The following USPL1 variants were observed in gnomAD, a reference collection of about 807,000 sequenced individuals.
The protein encoded by USPL1 is ubiquitin specific peptidase like 1, also known as SUMO-specific isopeptidase USPL1.
Under a neutral mutation model 51.5 loss-of-function variants are expected in USPL1, and 27 were observed. That is an observed-to-expected ratio of 0.52 (90% CI 0.39 to 0.72). USPL1 has a LOEUF of 0.72. Among genes scored for constraint, USPL1 ranks in the 30% least tolerant of loss-of-function variants. The probability of loss-of-function intolerance (pLI) is 0.00; values close to 1 mark genes in which losing one functional copy is unlikely to be tolerated. For synonymous variants in USPL1, 451 were observed against 459.6 expected, an observed-to-expected ratio of 0.98 and a Z score of 0.24; for missense variants, 1,226 against 1,268.0, an observed-to-expected ratio of 0.97 and a Z score of 0.50.
chr13:30,642,510 A>T (rs1334682858), intron 5 of USPL1, 118 bp from the exon 6 acceptor site: 1 of 1,207,140 alleles, frequency 8.3e-7, no homozygotes, highest in East Asian at 2.4e-5. Context: ...ATTGTGTCAT[A>T]CTGTATTAAC....
intron 7 of USPL1, among the ~76,000 whole-genome samples, chr13:30,650,250 G>T (rs1951071706): frequency 6.6e-6 from 1 of 152,160 alleles, no homozygotes; most frequent in Non-Finnish European, 1.5e-5. Flanking sequence ...GCTACTGTTT[G>T]TAAGTTTTAC....
At chr13:30,623,529 TCC>T (rs2137607058) in intron 3 of USPL1, among the ~76,000 whole-genome samples, 1 of 151,340 alleles carries the variant, frequency 6.6e-6, no homozygotes, top group Admixed American at 6.6e-5. Context: ...TTATATTTGG[TCC>T]TTGTCTATGG....
At chr13:30,650,077 C>T (rs578176294) in intron 7 of USPL1, among the ~76,000 whole-genome samples, 3 of 152,182 alleles carry the variant, frequency 2.0e-5, no homozygotes, top group East Asian at 1.9e-4. Context: ...AGGTTGGTCT[C>T]GAACTCCCGA....
intron 4 of USPL1, among the ~76,000 whole-genome samples, chr13:30,635,786 A>G (rs1317643052): frequency 1.3e-5 from 2 of 152,136 alleles, no homozygotes; most frequent in African/African-American, 4.8e-5. Context: ...GGCTGTTACT[A>G]GTTTTTGCTG....
chr13:30,629,648 C>T (rs1389931158), intron 3 of USPL1, among the ~76,000 whole-genome samples: 1 of 152,090 alleles, frequency 6.6e-6, no homozygotes, highest in African/African-American at 2.4e-5. Flanking sequence ...AATAGTCAGC[C>T]AGGGGTCTCA....
chr13:30,625,682 A>G (rs375708379), intron 3 of USPL1, among the ~76,000 whole-genome samples: 7 of 152,024 alleles, frequency 4.6e-5, no homozygotes, highest in African/African-American at 1.7e-4. Flanking sequence ...ACCTCAGGTG[A>G]TCCACCCACC....
At position 30,631,269 on chromosome 13, in the gene USPL1, T is replaced by C. The variant is rs1206359886; in HGVS notation, c.663T>C (p.Phe221=). ...CACTGGAGAGCAAATGTACATCATTTCCCCAGGCTTTATGTGTCCAGTGGA... is the reference window on the plus strand; with the variant it reads ...CACTGGAGAGCAAATGTACATCATTCCCCCAGGCTTTATGTGTCCAGTGGA... ...EMPLESKCTS[F]PQALCVQWKN... is the part of the protein sequence containing the mutation. Residue 221 remains phenylalanine, a synonymous_variant, in exon 4 of 9, where the codon TTT becomes TTC. Coordinates refer to ENST00000255304, the MANE Select transcript of USPL1 (RefSeq NM_005800.5). The C allele has an allele frequency of 1.2e-6, 2 of 1,614,020 alleles. No individual in the cohort carries two copies. Among genetic ancestry groups the C allele is most frequent in the Admixed American group, 3.3e-5 (2 of 59,998 alleles).
rs1205296076 is a variant in USPL1 at position 30,637,783 on chromosome 13, A to T, written c.908A>T (p.Glu303Val). ...AAACTTACCTCAGAAATATTTGCAG[A>T]GATAGAGACCTGTCTGAATGAAGTT... is the stretch of plus-strand genomic sequence containing the variant. The part of the protein sequence containing the change: ...CKKLTSEIFA[E>V]IETCLNEVRD... The change falls in exon 5 of 9, where the codon GAG (glutamate) becomes GTG (valine). Residue 303 changes from glutamate (E) to valine (V), a missense_variant. Glu to Val is a moderately radical substitution (Grantham distance 121). Transcript: ENST00000255304. 1 of 1,612,906 alleles carries T rather than the reference A, an allele frequency of 6.2e-7. No individual in the cohort carries two copies. Among genetic ancestry groups the T allele is most frequent in the Admixed American group, 1.7e-5 (1 of 59,700 alleles).
intron 7 of USPL1, among the ~76,000 whole-genome samples, chr13:30,651,017 A>T (rs1474254897): frequency 6.6e-6 from 1 of 152,034 alleles, no homozygotes; most frequent in African/African-American, 2.4e-5. Context: ...AAAAAAAAAA[A>T]AATTTCATAG....
intron 3 of USPL1, among the ~76,000 whole-genome samples, chr13:30,630,576 T>C (rs1950788012): frequency 6.6e-6 from 1 of 152,242 alleles, no homozygotes; most frequent in African/African-American, 2.4e-5. Flanking sequence ...AAATATGTTT[T>C]CCTTATTAGC....
In USPL1 at chr13:30,660,426, C is replaced by T. The variant is rs894295557; in HGVS notation, c.*1070C>T. The stretch of plus-strand genomic sequence containing the variant: ...AAGTGCAGGGATGCCTGAGTCTGCA[C>T]CCGCACCCAGGAGGGTGGAGATCTT... On this transcript the variant is annotated 3_prime_UTR_variant, in exon 9 of 9. Coordinates refer to ENST00000255304, the MANE Select transcript of USPL1 (RefSeq NM_005800.5). 6 of 152,380 alleles carry T rather than the reference C, an allele frequency of 3.9e-5. No homozygotes were observed. Among genetic ancestry groups the T allele is most frequent in the South Asian group, 2.1e-4 (1 of 4,830 alleles). The allele number at this position is 152,380 out of a possible 1,614,324, so 9.4% of individuals were successfully genotyped here. A position where few individuals can be genotyped will look rare whatever the true frequency, so the allele number is the denominator to read the frequency against.
At chr13:30,634,180 A>G (rs1218012430) in intron 4 of USPL1, among the ~76,000 whole-genome samples, 2 of 152,180 alleles carry the variant, frequency 1.3e-5, no homozygotes, top group African/African-American at 4.8e-5. Flanking sequence ...CTTGAACACA[A>G]GCACTGCAAT....
intron 1 of USPL1, among the ~76,000 whole-genome samples, chr13:30,620,772 G>A (rs1950636580): frequency 6.6e-6 from 1 of 152,008 alleles, no homozygotes; most frequent in South Asian, 2.1e-4. Context: ...TTCAAATTCT[G>A]GTCAATATAG....
chr13:30,625,869 T>C (rs945094935), intron 3 of USPL1, among the ~76,000 whole-genome samples: 14 of 152,230 alleles, frequency 9.2e-5, no homozygotes, highest in African/African-American at 3.1e-4. Context: ...ATTTTTTTAA[T>C]TTCTAGTCAG....
chr13:30,631,560 G>A (rs940402682), intron 4 of USPL1, 86 bp downstream of exon 4: 117 of 1,316,896 alleles, frequency 8.9e-5, no homozygotes, highest in Non-Finnish European at 1.1e-4. Context: ...GAGTGCAGTG[G>A]CATGATCATG....
intron 8 of USPL1, among the ~76,000 whole-genome samples, chr13:30,654,246 C>T (rs1217018848): frequency 6.6e-6 from 1 of 152,178 alleles, no homozygotes; most frequent in Non-Finnish European, 1.5e-5. Context: ...GTACCCTAGA[C>T]CAGCCTTGGG....
At chr13:30,643,139 G>A (rs528734277) in intron 6 of USPL1, among the ~76,000 whole-genome samples, 36 of 152,258 alleles carry the variant, frequency 2.4e-4, no homozygotes, top group Admixed American at 1.6e-3. Context: ...CAGAGGTAAT[G>A]CAAGCTTCCC....
intron 8 of USPL1, among the ~76,000 whole-genome samples, chr13:30,655,647 G>A (rs989322587): frequency 6.6e-6 from 1 of 152,212 alleles, no homozygotes; most frequent in Non-Finnish European, 1.5e-5. Context: ...GAAACTGAGC[G>A]CACTTTCAAT....
At chr13:30,648,496 A>G (rs947437661) in intron 7 of USPL1, among the ~76,000 whole-genome samples, 28 of 152,194 alleles carry the variant, frequency 1.8e-4, no homozygotes, top group African/African-American at 4.6e-4. Context: ...CCCACATTCT[A>G]TCACATCTGT....
Sources: gnomAD v4.1 joint callset for allele counts (sites outside exome capture counted in the v4.1 genomes callset) on GRCh38, gnomAD v4.1.1 for gene constraint, MANE v1.5 for transcripts, NCBI Gene and HGNC (gene_info 2026-07-23, HGNC 2026-07-21) for gene names.